Variants in DCDC1 observed in about 807,000 individuals in gnomAD.
DCDC1 encodes the protein doublecortin domain containing 1.
DCDC1 carries 200 observed loss-of-function variants against 178.3 expected under a neutral mutation model. That is an observed-to-expected ratio of 1.12 (90% CI 1.00 to 1.26). The LOEUF is 1.26. Ranked by LOEUF, DCDC1 falls within the 50% of genes most tolerant of loss-of-function variation. The pLI is 0.00. For missense variants in DCDC1, 1,983 were observed against 1,749.2 expected (o/e 1.13, Z -2.38); for synonymous variants, 690 against 604.8 (o/e 1.14, Z -2.07).
intron 31 of DCDC1, 26 bp downstream of exon 31, chr11:30,904,935 G>A: frequency 6.2e-7 from 1 of 1,612,260 alleles, no homozygotes; most frequent in Non-Finnish European, 8.5e-7. Context: ...GAAGATGCAA[G>A]CAGCATTTAA....
At chr11:31,189,410 ATC>A (rs981466272) in intron 9 of DCDC1, among the ~76,000 whole-genome samples, 3 of 152,144 alleles carry the variant, frequency 2.0e-5, no homozygotes, top group Non-Finnish European at 4.4e-5. Flanking sequence ...TCCATCTGTG[ATC>A]TCTGTTTTTT....
intron 1 of DCDC1, among the ~76,000 whole-genome samples, chr11:31,366,360 T>C (rs956692708): frequency 6.6e-6 from 1 of 152,256 alleles, no homozygotes; most frequent in Non-Finnish European, 1.5e-5. Context: ...TGAGGCAAGA[T>C]AGCTGGTTCT....
intron 21 of DCDC1, among the ~76,000 whole-genome samples, chr11:30,939,368 GA>G (rs1947490063): frequency 6.6e-6 from 1 of 152,172 alleles, no homozygotes; most frequent in Admixed American, 6.5e-5. Context: ...CAGGTTGTGA[GA>G]AACACACTCA....
At chr11:31,095,931 A>G (rs1206258269) in intron 15 of DCDC1, among the ~76,000 whole-genome samples, 1 of 152,212 alleles carries the variant, frequency 6.6e-6, no homozygotes, top group African/African-American at 2.4e-5. Context: ...AACCCAATAA[A>G]TGATGTTGCT....
At chr11:31,143,233 G>A (rs1159534852) in intron 9 of DCDC1, among the ~76,000 whole-genome samples, 1 of 152,064 alleles carries the variant, frequency 6.6e-6, no homozygotes, top group African/African-American at 2.4e-5. Context: ...ATAAATAATA[G>A]GTAGTATCTG....
rs576776567 is a variant in DCDC1 at position 31,323,073 on chromosome 11, G to T, written c.164+5044C>A. ...ATTCTACTTTTATTTAATCAGGAAC[G>T]TTTCACTGGAAATTTCAGTATAAGC... On this transcript the variant is annotated intron_variant, in intron 3 of 38. Coordinates refer to ENST00000684477, the MANE Select transcript of DCDC1 (RefSeq NM_001387274.1). Among the ~76,000 whole-genome samples the T allele has an allele frequency of 3.0e-3, 451 of 152,172 alleles. 2 individuals carry two copies. Among genetic ancestry groups the T allele is most frequent in the African/African-American group, 0.01 (416 of 41,532 alleles).
chr11:31,332,079 G>T (rs901425032), intron 2 of DCDC1, among the ~76,000 whole-genome samples: 2 of 152,130 alleles, frequency 1.3e-5, no homozygotes, highest in African/African-American at 4.8e-5. Context: ...TCTATTCAGA[G>T]ATTCAATTTC....
intron 1 of DCDC1, among the ~76,000 whole-genome samples, chr11:31,354,538 T>C (rs968533275): frequency 6.6e-6 from 1 of 152,150 alleles, no homozygotes; most frequent in Non-Finnish European, 1.5e-5. Context: ...ACAGCTTAGT[T>C]TAACTGGGGG....
intron 36 of DCDC1, among the ~76,000 whole-genome samples, chr11:30,890,774 A>C (rs546307845): frequency 6.6e-6 from 1 of 152,234 alleles, no homozygotes; most frequent in Non-Finnish European, 1.5e-5. Context: ...CATGCTTTAC[A>C]TAATGCTTCT....
At chr11:30,932,380 AAAAAT>A (rs1244119833) in intron 21 of DCDC1, among the ~76,000 whole-genome samples, 3 of 152,202 alleles carry the variant, frequency 2.0e-5, no homozygotes, top group African/African-American at 7.2e-5. Flanking sequence ...AGAATATTGC[AAAAAT>A]AAAATAAAAT....
intron 7 of DCDC1, among the ~76,000 whole-genome samples, chr11:31,267,348 G>A (rs369289280): frequency 8.4e-4 from 127 of 152,072 alleles, no homozygotes; most frequent in African/African-American, 2.4e-3. Context: ...GCGCCACCAC[G>A]CCCGGCTAAT....
chr11:31,256,273 A>T (rs762928479), intron 8 of DCDC1, among the ~76,000 whole-genome samples: 1 of 152,176 alleles, frequency 6.6e-6, no homozygotes, highest in Non-Finnish European at 1.5e-5. Context: ...GTTCACTGCA[A>T]GTAGTTTGCA....
chr11:31,267,472 G>A (rs1486237800), intron 7 of DCDC1, among the ~76,000 whole-genome samples: 3 of 152,216 alleles, frequency 2.0e-5, no homozygotes, highest in South Asian at 2.1e-4. Context: ...GATTAGAGGC[G>A]TGAGCCATCA....
chr11:31,228,399 G>T (rs1255894109), intron 9 of DCDC1, among the ~76,000 whole-genome samples: 1 of 152,056 alleles, frequency 6.6e-6, no homozygotes, highest in African/African-American at 2.4e-5. Flanking sequence ...AAATTTGTTA[G>T]GCATAGCAAA....
intron 20 of DCDC1, among the ~76,000 whole-genome samples, chr11:31,040,242 T>C (rs1460917942): frequency 1.3e-5 from 2 of 152,152 alleles, no homozygotes; most frequent in Non-Finnish European, 2.9e-5. Context: ...AAAATGAAAG[T>C]CATTTAACTC....
chr11:31,363,142 T>C (rs1214299258), intron 1 of DCDC1, among the ~76,000 whole-genome samples: 1 of 150,024 alleles, frequency 6.7e-6, no homozygotes, highest in African/African-American at 2.4e-5. Flanking sequence ...TTAAACTGTG[T>C]GTAATTATAT....
intron 10 of DCDC1, among the ~76,000 whole-genome samples, chr11:31,133,365 C>G (rs1306920584): frequency 2.0e-5 from 3 of 152,180 alleles, no homozygotes; most frequent in Non-Finnish European, 4.4e-5. Context: ...GTCTCAAAGC[C>G]AGGTCAGCAC....
chr11:30,878,833 C>A, intron 37 of DCDC1, 122 bp from the exon 38 acceptor site: 1 of 845,032 alleles, frequency 1.2e-6, no homozygotes, highest in Non-Finnish European at 1.7e-6. Flanking sequence ...ACCCTGGGCT[C>A]TCTCATTACA....
At chr11:31,300,268 G>C (rs1185726894) in intron 6 of DCDC1, among the ~76,000 whole-genome samples, 1 of 152,164 alleles carries the variant, frequency 6.6e-6, no homozygotes, top group Non-Finnish European at 1.5e-5. Flanking sequence ...GATGAAGAAA[G>C]TAGAAACAAA....
Sources: allele counts gnomAD v4.1 joint callset (sites outside exome capture counted in the v4.1 genomes callset), GRCh38; gene constraint gnomAD v4.1.1; transcripts MANE v1.5; gene names NCBI Gene and HGNC (gene_info 2026-07-23, HGNC 2026-07-21).